Variants in MBNL2 observed in about 807,000 individuals in gnomAD.
The protein encoded by MBNL2 is muscleblind-like protein 2.
In MBNL2, 17 loss-of-function variants were observed where a neutral mutation model predicts 41.9. The ratio of observed to expected loss-of-function variants is 0.41; its 90% confidence interval spans 0.28 to 0.61. The LOEUF (loss-of-function observed/expected upper bound fraction) is 0.61, where lower values mean the gene tolerates loss of function less well. Among genes scored for constraint, MBNL2 ranks in the 20% least tolerant of loss-of-function variants. The pLI is 0.35. For missense variants in MBNL2, 336 were observed against 505.6 expected (o/e 0.66, Z 3.22); for synonymous variants, 195 against 182.9 (o/e 1.07, Z -0.53).
chr13:97,322,194 T>C (rs2059558871), intron 2 of MBNL2, among the ~76,000 whole-genome samples: 1 of 152,138 alleles, frequency 6.6e-6, no homozygotes, highest in African/African-American at 2.4e-5. Context: ...CTCTTCCCTG[T>C]ACCTCTGCTC....
chr13:97,332,929 G>A (rs1445411605), intron 2 of MBNL2, among the ~76,000 whole-genome samples: 1 of 152,194 alleles, frequency 6.6e-6, no homozygotes, highest in African/African-American at 2.4e-5. Flanking sequence ...TTGTTGATTA[G>A]CACAGATGCC....
chr13:97,212,182 G>A, the MBNL2 span, among the ~76,000 whole-genome samples: 2 of 152,162 alleles, frequency 1.3e-5, no homozygotes, highest in Non-Finnish European at 2.9e-5. Flanking sequence ...GCAAACTAGA[G>A]GCCAAAGTGG....
intron 7 of MBNL2, 109 bp downstream of exon 7, chr13:97,357,744 GT>G: frequency 1.9e-6 from 2 of 1,037,556 alleles, no homozygotes; most frequent in South Asian, 2.5e-5. Context: ...GTATAATACA[GT>G]TTGAAATTCA....
chr13:97,276,079 C>T lies in MBNL2; in HGVS notation c.-157C>T, dbSNP rs1247186514. The T allele has an allele frequency of 1.7e-6, 1 of 601,758 alleles. No individual in the cohort carries two copies. Among genetic ancestry groups the T allele is most frequent in the Non-Finnish European group, 3.0e-6 (1 of 338,410 alleles). 37.3% of individuals were successfully genotyped at this position (601,758 alleles called of 1,614,324 possible). ...GTGATTGCCTGTCCATACACTCTCT[C>T]ATCATCCTGTTCCTTGGATTGGACT... On this transcript the variant is annotated 5_prime_UTR_variant, in exon 2 of 9. Coordinates refer to ENST00000679496, the MANE Select transcript of MBNL2 (RefSeq NM_001382683.1).
At chr13:97,247,255 G>T (rs896994327) in intron 1 of MBNL2, among the ~76,000 whole-genome samples, 1 of 152,114 alleles carries the variant, frequency 6.6e-6, no homozygotes, top group Non-Finnish European at 1.5e-5. Context: ...ACTGCAATAT[G>T]TTTTATTTGT....
At chr13:97,211,945 GAGAT>G in the MBNL2 span, among the ~76,000 whole-genome samples, 8 of 152,222 alleles carry the variant, frequency 5.3e-5, no homozygotes, top group East Asian at 1.3e-3. Context: ...TACTGGGAAA[GAGAT>G]AGCAGTATTT....
chr13:97,168,008 C>T, the MBNL2 span, among the ~76,000 whole-genome samples: 1 of 152,042 alleles, frequency 6.6e-6, no homozygotes, highest in African/African-American at 2.4e-5. Flanking sequence ...TCTTATTTCC[C>T]AGGCTGGAGT....
At chr13:97,154,232 C>G in the MBNL2 span, among the ~76,000 whole-genome samples, 1 of 152,102 alleles carries the variant, frequency 6.6e-6, no homozygotes, top group Non-Finnish European at 1.5e-5. Flanking sequence ...ACTGATTCTT[C>G]CCATTCTCAT....
chr13:97,359,002 T>C (rs1483686493), intron 7 of MBNL2, among the ~76,000 whole-genome samples: 3 of 152,192 alleles, frequency 2.0e-5, no homozygotes, highest in Non-Finnish European at 4.4e-5. Context: ...CAGTGTTTTT[T>C]TCTTATTTTA....
the MBNL2 span, among the ~76,000 whole-genome samples, chr13:97,197,976 C>T: frequency 6.6e-6 from 1 of 152,150 alleles, no homozygotes; most frequent in Non-Finnish European, 1.5e-5. Flanking sequence ...GAATCTCAGA[C>T]TCATATTGAG....
At chr13:97,190,694 C>T in the MBNL2 span, among the ~76,000 whole-genome samples, 2 of 152,180 alleles carry the variant, frequency 1.3e-5, no homozygotes, top group African/African-American at 2.4e-5. Flanking sequence ...GGAGGCAGTG[C>T]CCATGGAGGA....
At chr13:97,336,901 C>T (rs546740531) in intron 3 of MBNL2, among the ~76,000 whole-genome samples, 2 of 152,300 alleles carry the variant, frequency 1.3e-5, no homozygotes, top group African/African-American at 2.4e-5. Context: ...AACTTCTTTA[C>T]AGTACTGTGG....
chr13:97,310,499 G>A (rs371884445), intron 2 of MBNL2, among the ~76,000 whole-genome samples: 6 of 150,416 alleles, frequency 4.0e-5, no homozygotes, highest in Admixed American at 1.3e-4. Flanking sequence ...GCGCGATCTC[G>A]GCTCACTGCA....
chr13:97,290,408 G>A (rs1286598414), intron 2 of MBNL2, among the ~76,000 whole-genome samples: 1 of 151,676 alleles, frequency 6.6e-6, no homozygotes, highest in Admixed American at 6.6e-5. Context: ...CGGGCGCGGT[G>A]GCTCACGCCT....
chr13:97,243,914 A>G (rs1473619763), intron 1 of MBNL2, among the ~76,000 whole-genome samples: 1 of 152,130 alleles, frequency 6.6e-6, no homozygotes, highest in Non-Finnish European at 1.5e-5. Context: ...GAAAAAAGGT[A>G]GAGGGAAACT....
chr13:97,371,623 A>G (rs908073344), intron 8 of MBNL2, among the ~76,000 whole-genome samples: 2 of 152,052 alleles, frequency 1.3e-5, no homozygotes, highest in African/African-American at 4.8e-5. Flanking sequence ...AGTGATGGAA[A>G]CAGTACTCTA....
At chr13:97,295,610 A>T (rs1042494509) in intron 2 of MBNL2, among the ~76,000 whole-genome samples, 5 of 152,168 alleles carry the variant, frequency 3.3e-5, no homozygotes, top group Admixed American at 2.6e-4. Flanking sequence ...GCACCGTAGT[A>T]ATCTTTATCA....
In MBNL2 at chr13:97,334,405, C is replaced by A. The variant is rs763640109; in HGVS notation, c.304C>A (p.Gln102Lys). Reference sequence around the variant, plus strand: ...AGCAGCAATGCTTGCCCAGCAGATGCAATTTATGTTTCCAGGAACACCACT... The same window carrying A: ...AGCAGCAATGCTTGCCCAGCAGATGAAATTTATGTTTCCAGGAACACCACT... ...TAAAMLAQQM[Q>K]FMFPGTPLHP... Residue 102 changes from glutamine to lysine, a missense_variant, in exon 3 of 9, where the codon CAA (glutamine) becomes AAA (lysine). Physicochemically the swap from Gln to Lys is moderately conservative, Grantham distance 53. Coordinates refer to ENST00000679496, the MANE Select transcript of MBNL2 (RefSeq NM_001382683.1). The surrounding 1 kb of genome is among the most constrained non-coding windows in gnomAD (Gnocchi z 5.3). 6.2e-7 allele frequency: 1 copy of A among 1,613,110 alleles called. No individual in the cohort carries two copies. The highest frequency in any genetic ancestry group is 2.2e-5 in the East Asian group (1 of 44,856).
At chr13:97,167,509 A>C in the MBNL2 span, among the ~76,000 whole-genome samples, 2 of 152,220 alleles carry the variant, frequency 1.3e-5, no homozygotes, top group Admixed American at 6.5e-5. Context: ...AGAAGAAATT[A>C]ATTTCCTTTA....
Sources: gnomAD v4.1 joint callset for allele counts (sites outside exome capture counted in the v4.1 genomes callset) on GRCh38, gnomAD v4.1.1 for gene constraint, Gnocchi (gnomAD v3.1) non-coding constraint, MANE v1.5 for transcripts, NCBI Gene and HGNC (gene_info 2026-07-23, HGNC 2026-07-21) for gene names.